Variants in CWC27 observed in about 807,000 individuals in gnomAD.
CWC27 encodes the protein CWC27 spliceosome associated cyclophilin, also known as spliceosome-associated protein CWC27 homolog.
In CWC27, 47 loss-of-function variants were observed where a neutral mutation model predicts 63.6. That is an observed-to-expected ratio of 0.74 (90% CI 0.58 to 0.94). The LOEUF is 0.94. CWC27 is among the 40% of genes least tolerant of loss of function. The pLI, the probability that CWC27 is intolerant of heterozygous loss-of-function variation, is 0.00. For missense variants in CWC27, 495 were observed against 554.3 expected, an observed-to-expected ratio of 0.89 and a Z score of 1.07; for synonymous variants, 175 against 179.8, an observed-to-expected ratio of 0.97 and a Z score of 0.22.
At chr5:64,793,342 T>C (rs948220939) in intron 7 of CWC27, among the ~76,000 whole-genome samples, 1 of 152,152 alleles carries the variant, frequency 6.6e-6, no homozygotes, top group Admixed American at 6.6e-5. Context: ...CTTTATGTAA[T>C]GGACAAGTAG....
At chr5:64,907,572 C>G (rs1469058286) in intron 11 of CWC27, among the ~76,000 whole-genome samples, 1 of 152,150 alleles carries the variant, frequency 6.6e-6, no homozygotes, top group African/African-American at 2.4e-5. Context: ...GGCTGAGACA[C>G]TGGGGTTTTC....
At chr5:64,858,777 AC>A (rs1458732530) in intron 10 of CWC27, among the ~76,000 whole-genome samples, 1 of 152,186 alleles carries the variant, frequency 6.6e-6, no homozygotes, top group Non-Finnish European at 1.5e-5. Context: ...GGGAACCAGG[AC>A]TGTCAAACAC....
At chr5:64,884,704 G>T (rs907073346) in intron 10 of CWC27, among the ~76,000 whole-genome samples, 1 of 152,136 alleles carries the variant, frequency 6.6e-6, no homozygotes, top group African/African-American at 2.4e-5. Flanking sequence ...AACCCTAAGG[G>T]TTTATGATAA....
chr5:64,866,253 C>A (rs1398640734), intron 10 of CWC27, among the ~76,000 whole-genome samples: 2 of 151,944 alleles, frequency 1.3e-5, no homozygotes, highest in African/African-American at 4.8e-5. Flanking sequence ...GATTTTTCTC[C>A]CCAAATCATC....
In CWC27 at chr5:64,781,400, T is replaced by C. The variant is rs184554574; in HGVS notation, c.140-521T>C. Among the ~76,000 whole-genome samples, 519 of 152,254 alleles carry C rather than the reference T, an allele frequency of 3.4e-3. 4 individuals carry two copies. The highest frequency in any genetic ancestry group is 0.012 in the African/African-American group (507 of 41,538). ...TGTGTGTTAATAAATTAATTTCCTGTGAGGAAAAGAGGAAGCAGTGGGAAA... is the reference window on the plus strand; with the variant it reads ...TGTGTGTTAATAAATTAATTTCCTGCGAGGAAAAGAGGAAGCAGTGGGAAA... On this transcript the variant is annotated intron_variant, in intron 2 of 13. Transcript: ENST00000381070.
At chr5:64,921,180 G>T (rs1420015113) in intron 11 of CWC27, among the ~76,000 whole-genome samples, 1 of 152,042 alleles carries the variant, frequency 6.6e-6, no homozygotes, top group Non-Finnish European at 1.5e-5. Context: ...TTCTGCCTCA[G>T]TCTTATTCTT....
At chr5:64,845,639 A>T (rs1745957648) in intron 10 of CWC27, among the ~76,000 whole-genome samples, 1 of 152,246 alleles carries the variant, frequency 6.6e-6, no homozygotes, top group Non-Finnish European at 1.5e-5. Context: ...AGCAGAAGAA[A>T]GAATCAATGA....
At chr5:64,872,619 A>G (rs1746698768) in intron 10 of CWC27, among the ~76,000 whole-genome samples, 1 of 152,102 alleles carries the variant, frequency 6.6e-6, no homozygotes, top group South Asian at 2.1e-4. Flanking sequence ...ATTTTTTTAC[A>G]TAATGTTGAA....
chr5:64,855,730 A>G (rs1746240058), intron 10 of CWC27, among the ~76,000 whole-genome samples: 1 of 152,164 alleles, frequency 6.6e-6, no homozygotes, highest in Non-Finnish European at 1.5e-5. Context: ...GAAAATTTCT[A>G]CAGAAAAACT....
chr5:64,878,209 C>G (rs945812270), intron 10 of CWC27, among the ~76,000 whole-genome samples: 1 of 151,626 alleles, frequency 6.6e-6, no homozygotes, highest in African/African-American at 2.4e-5. Flanking sequence ...TCCCAAGACC[C>G]CCACCCAAAT....
chr5:64,843,185 A>G (rs1561431717), intron 10 of CWC27, among the ~76,000 whole-genome samples: 1 of 152,188 alleles, frequency 6.6e-6, no homozygotes, highest in Non-Finnish European at 1.5e-5. Flanking sequence ...TTTGCCAGAC[A>G]TTAGCTTTAT....
chr5:64,963,647 G>GTTTGAGT, intron 11 of CWC27, among the ~76,000 whole-genome samples: 1 of 152,352 alleles, frequency 6.6e-6, no homozygotes, highest in Non-Finnish European at 1.5e-5. Context: ...TTGGCTGTGT[G>GTTTGAGT]TACCCTGTAA....
chr5:64,907,596 A>G (rs1037597976), intron 11 of CWC27, among the ~76,000 whole-genome samples: 2 of 152,222 alleles, frequency 1.3e-5, no homozygotes, highest in Admixed American at 1.3e-4. Flanking sequence ...ATACACAATC[A>G]TGTCATCTGC....
At chr5:64,964,599 C>T (rs1255600854) in intron 11 of CWC27, among the ~76,000 whole-genome samples, 1 of 152,120 alleles carries the variant, frequency 6.6e-6, no homozygotes, top group Non-Finnish European at 1.5e-5. Context: ...TTAAGTTGCC[C>T]TTCATCAGCA....
At chr5:64,994,232 C>A (rs1749590060) in intron 13 of CWC27, among the ~76,000 whole-genome samples, 1 of 152,086 alleles carries the variant, frequency 6.6e-6, no homozygotes, top group South Asian at 2.1e-4. Context: ...CAGAATCATG[C>A]CATACCTCCT....
In CWC27 at chr5:64,955,239, C is replaced by T. The variant is rs981898862; in HGVS notation, c.1043-16464C>T. ...ATATAACATCAACACTTTACAAAGT[C>T]ATGTCACATGCTTCATTACATTTAG... On this transcript the variant is annotated intron_variant, in intron 11 of 13. Coordinates refer to ENST00000381070, the MANE Select transcript of CWC27 (RefSeq NM_005869.4). 3.9e-5 allele frequency among the ~76,000 whole-genome samples: 6 copies of T among 152,072 alleles called. No homozygotes were observed. In the East Asian group the frequency reaches 1.2e-3, roughly 29 times the overall value.
At chr5:64,783,682 A>G (rs1743776748) in intron 3 of CWC27, among the ~76,000 whole-genome samples, 154 bp from the exon 4 acceptor site, 1 of 152,234 alleles carries the variant, frequency 6.6e-6, no homozygotes, top group African/African-American at 2.4e-5. Context: ...CAAGTTTAAT[A>G]ACATTGAAAG....
chr5:64,868,326 TTTC>T (rs35484425), intron 10 of CWC27, among the ~76,000 whole-genome samples: 54,984 of 151,790 alleles, frequency 0.36, 10,499 homozygotes, highest in East Asian at 0.51. Flanking sequence ...AAAGCAAAAC[TTTC>T]TTAAGTATTT....
Position 64,796,012 on chromosome 5 carries a change from T to C in CWC27, c.670-4236T>C, listed in dbSNP as rs866479149. ...TAAAAAGAAATTGTGCGTGTGTGTG[T>C]GTGTGTGTGTGTGTGTGTGTGTGTG... On this transcript the variant is annotated intron_variant, in intron 7 of 13. Coordinates refer to ENST00000381070, the MANE Select transcript of CWC27 (RefSeq NM_005869.4). Among the ~76,000 whole-genome samples, 213 of 142,486 alleles carry C rather than the reference T, an allele frequency of 1.5e-3. 1 individual carries two copies. The highest frequency in any genetic ancestry group is 6.0e-3 in the African/African-American group (198 of 33,202). 93.5% of individuals were successfully genotyped at this position (142,486 alleles called of 152,430 possible). A position where few individuals can be genotyped will look rare whatever the true frequency, so the allele number is the denominator to read the frequency against.
Sources: gnomAD v4.1 joint callset for allele counts (sites outside exome capture counted in the v4.1 genomes callset) on GRCh38, gnomAD v4.1.1 for gene constraint, MANE v1.5 for transcripts, NCBI Gene and HGNC (gene_info 2026-07-23, HGNC 2026-07-21) for gene names.